The following PRPSAP2 variants were observed in gnomAD, a reference collection of about 807,000 sequenced individuals.
PRPSAP2 encodes the protein phosphoribosyl pyrophosphate synthase-associated protein 2.
A neutral mutation model predicts 40.6 loss-of-function variants in PRPSAP2; 24 were observed. The observed-to-expected ratio is 0.59, with a 90% CI of 0.43 to 0.83. PRPSAP2 has a LOEUF of 0.83. Among genes scored for constraint, PRPSAP2 ranks in the 40% least tolerant of loss-of-function variants. The pLI, the probability that PRPSAP2 is intolerant of heterozygous loss-of-function variation, is 0.00. For missense variants in PRPSAP2, 292 were observed against 465.6 expected, an observed-to-expected ratio of 0.63 and a Z score of 3.43; for synonymous variants, 149 against 164.7, an observed-to-expected ratio of 0.90 and a Z score of 0.73.
chr17:18,871,442 T>C (rs1018720683), intron 4 of PRPSAP2, among the ~76,000 whole-genome samples: 1 of 152,150 alleles, frequency 6.6e-6, no homozygotes, highest in African/African-American at 2.4e-5. Flanking sequence ...TCCCCTCACC[T>C]CTTCCGTTTT....
chr17:18,856,315 C>T (rs531918623), upstream of PRPSAP2: 26 of 152,244 alleles, frequency 1.7e-4, no homozygotes, highest in African/African-American at 6.3e-4. Context: ...CAACATGTGA[C>T]GCGTGGAATC....
intron 8 of PRPSAP2, among the ~76,000 whole-genome samples, chr17:18,901,127 G>C (rs1164433539): frequency 6.6e-6 from 1 of 152,138 alleles, no homozygotes; most frequent in Non-Finnish European, 1.5e-5. Flanking sequence ...CTGCCTGTGT[G>C]GCTAGAGTAA....
rs1360031833 is a variant in PRPSAP2, at chr17:18,911,062, G to A, written c.585-41G>A. The A allele has an allele frequency of 6.4e-7, 1 of 1,566,220 alleles. No individual in the cohort carries two copies. The highest frequency in any genetic ancestry group is 8.7e-7 in the Non-Finnish European group (1 of 1,150,840). On this transcript the variant is annotated intron_variant, in intron 8 of 11. Transcript: ENST00000268835. The surrounding 1 kb of genome is among the most constrained non-coding windows in gnomAD (Gnocchi z 4.5). ...CCCCTAGGCATTAGCAGAACCAAGG[G>A]CTGCATGAGTTTTGAGCTTGTGTCT... is the stretch of plus-strand genomic sequence containing the variant.
chr17:18,899,401 T>C (rs1256038778), intron 8 of PRPSAP2, among the ~76,000 whole-genome samples: 1 of 152,032 alleles, frequency 6.6e-6, no homozygotes, highest in Admixed American at 6.6e-5. Context: ...CATTGTTCTC[T>C]CTGTTGTCCA....
chr17:18,862,784 A>G (rs1187180762), intron 1 of PRPSAP2, among the ~76,000 whole-genome samples: 2 of 151,434 alleles, frequency 1.3e-5, no homozygotes, highest in Non-Finnish European at 2.9e-5. Context: ...CTGGACCTGT[A>G]ACACCCTTTT....
chr17:18,887,541 T>G (rs1042597406), intron 7 of PRPSAP2, among the ~76,000 whole-genome samples: 2 of 152,180 alleles, frequency 1.3e-5, no homozygotes, highest in Non-Finnish European at 2.9e-5. Context: ...CTTTGGGAAT[T>G]TTTTTTAATC....
At chr17:18,923,879 T>C (rs2041829775) in intron 9 of PRPSAP2, 35 bp from the exon 10 acceptor site, 1 of 1,552,146 alleles carries the variant, frequency 6.4e-7, no homozygotes, top group Non-Finnish European at 8.8e-7. Flanking sequence ...CTTTTTAATA[T>C]AAAAATTTTG....
intron 9 of PRPSAP2, among the ~76,000 whole-genome samples, chr17:18,920,750 G>A (rs2041644067): frequency 6.6e-6 from 1 of 151,898 alleles, no homozygotes; most frequent in Non-Finnish European, 1.5e-5. Flanking sequence ...CAGAATATAA[G>A]CACTATATAT....
In PRPSAP2 at chr17:18,884,670, G is replaced by A. The variant is rs536803832; in HGVS notation, c.528+1987G>A. On this transcript the variant is annotated intron_variant, in intron 7 of 11. Coordinates refer to ENST00000268835, the MANE Select transcript of PRPSAP2 (RefSeq NM_002767.4). ...TTACCTGAATATTATTCTTAGTTGA[G>A]AGAGAAGGTGAGATAAAATTGGCAA... Among the ~76,000 whole-genome samples the A allele has an allele frequency of 2.0e-5, 3 of 152,274 alleles. No individual in the cohort carries two copies. In the East Asian group the frequency reaches 5.8e-4, roughly 29 times the overall value.
intron 7 of PRPSAP2, among the ~76,000 whole-genome samples, chr17:18,886,337 C>T (rs2039139563): frequency 6.6e-6 from 1 of 151,646 alleles, no homozygotes; most frequent in African/African-American, 2.4e-5. Flanking sequence ...TGCTCGTTGC[C>T]TTGAAATTTT....
At chr17:18,862,680 G>A (rs2037115246) in intron 1 of PRPSAP2, among the ~76,000 whole-genome samples, 1 of 152,154 alleles carries the variant, frequency 6.6e-6, no homozygotes. Context: ...CTCACTGTGA[G>A]TTTAGGGGAA....
chr17:18,881,304 C>T (rs530975783), intron 6 of PRPSAP2, among the ~76,000 whole-genome samples: 11 of 151,426 alleles, frequency 7.3e-5, no homozygotes, highest in African/African-American at 1.5e-4. Context: ...GGTGCGATCT[C>T]GGCTCACTGC....
intron 7 of PRPSAP2, among the ~76,000 whole-genome samples, chr17:18,887,835 T>G (rs1225448734): frequency 2.0e-5 from 1 of 50,002 alleles, no homozygotes. Flanking sequence ...TAACTTGTTC[T>G]TTCTTTTTTT....
intron 9 of PRPSAP2, among the ~76,000 whole-genome samples, chr17:18,923,010 C>A (rs2151970245): frequency 6.6e-6 from 1 of 151,652 alleles, no homozygotes; most frequent in South Asian, 2.1e-4. Flanking sequence ...TAGACTCTTA[C>A]CAGATACATG....
chr17:18,927,567 G>A (rs1261315856), intron 10 of PRPSAP2, among the ~76,000 whole-genome samples: 1 of 152,160 alleles, frequency 6.6e-6, no homozygotes, highest in Non-Finnish European at 1.5e-5. Context: ...TGATTTCCAG[G>A]TTGGGGCTAT....
intron 8 of PRPSAP2, among the ~76,000 whole-genome samples, chr17:18,905,999 CTG>C (rs1250824624): frequency 1.3e-5 from 2 of 152,144 alleles, no homozygotes; most frequent in African/African-American, 4.8e-5. Context: ...TTAAAATATT[CTG>C]TGTTTATGAT....
intron 8 of PRPSAP2, among the ~76,000 whole-genome samples, chr17:18,906,425 A>G (rs1363046339): frequency 6.6e-6 from 1 of 152,104 alleles, no homozygotes; most frequent in East Asian, 1.9e-4. Flanking sequence ...CATGTTGGCC[A>G]GGATAGTTTC....
chr17:18,895,589 TA>T (rs1009262866), intron 8 of PRPSAP2, among the ~76,000 whole-genome samples: 6 of 151,586 alleles, frequency 4.0e-5, no homozygotes, highest in Non-Finnish European at 2.9e-5. Context: ...TTTTAATGTT[TA>T]AAAAAACTTA....
chr17:18,900,087 A>G (rs2040172626), intron 8 of PRPSAP2, among the ~76,000 whole-genome samples: 1 of 151,820 alleles, frequency 6.6e-6, no homozygotes. Flanking sequence ...GGGTTTCACC[A>G]TGTTGGTCAG....
Sources: allele counts gnomAD v4.1 joint callset (sites outside exome capture counted in the v4.1 genomes callset), GRCh38; gene constraint gnomAD v4.1.1; non-coding constraint Gnocchi (gnomAD v3.1); transcripts MANE v1.5; gene names NCBI Gene and HGNC (gene_info 2026-07-23, HGNC 2026-07-21).